EXOSC7: variants seen among roughly 807,000 people sequenced by gnomAD.
EXOSC7 encodes exosome component 7.
A neutral mutation model predicts 34.3 loss-of-function variants in EXOSC7; 25 were observed. The ratio of observed to expected loss-of-function variants is 0.73; its 90% CI spans 0.53 to 1.02. The LOEUF (loss-of-function observed/expected upper bound fraction) is 1.02. Among genes scored for constraint, EXOSC7 ranks in the 50% least tolerant of loss-of-function variants. The pLI, the probability that EXOSC7 is intolerant of heterozygous loss-of-function variation, is 0.00. For missense variants in EXOSC7, 370 were observed against 368.5 expected, an observed-to-expected ratio of 1.00 and a Z score of -0.03; for synonymous variants, 130 against 143.0, an observed-to-expected ratio of 0.91 and a Z score of 0.65.
chr3:45,008,237 C>T (rs1412979445), intron 7 of EXOSC7, among the ~76,000 whole-genome samples: 1 of 152,192 alleles, frequency 6.6e-6, no homozygotes, highest in Non-Finnish European at 1.5e-5. Flanking sequence ...CCCCTATATC[C>T]ACCTCACCTT....
chr3:44,982,696 C>A (rs1227317749), intron 1 of EXOSC7, among the ~76,000 whole-genome samples: 1 of 152,220 alleles, frequency 6.6e-6, no homozygotes, highest in Non-Finnish European at 1.5e-5. Context: ...GTTGCTCAGT[C>A]TGGCCATGAC....
At chr3:45,005,063 G>A (rs969074842) in intron 5 of EXOSC7, 1 of 491,724 alleles carries the variant, frequency 2.0e-6, no homozygotes, top group Non-Finnish European at 3.7e-6. Context: ...TTTTCCATTG[G>A]GATATCTGAT....
Position 45,001,593 on chromosome 3 carries a change from C to T in EXOSC7, c.476C>T (p.Ala159Val), listed in dbSNP as rs1706882082. The change falls in exon 5 of 8, where the codon GCT (alanine) becomes GTT (valine). Residue 159 changes from alanine to valine, a missense_variant. Physicochemically the swap from Ala to Val is moderately conservative, Grantham distance 64 (BLOSUM62 0). Transcript: ENST00000265564. ...FDAISIAVKA[A>V]LFNTRIPRVR... The stretch of plus-strand genomic sequence containing the variant: ...GCCATTTCCATTGCTGTAAAGGCTG[C>T]TCTCTTCAATACAAGGTAAGTCTTC... 1 of 1,612,656 alleles carries T rather than the reference C, an allele frequency of 6.2e-7. No individual in the cohort carries two copies. Among genetic ancestry groups the T allele is most frequent in the Middle Eastern group, 1.7e-4 (1 of 6,060 alleles).
chr3:44,983,865 T>TA (rs5848721), intron 1 of EXOSC7, among the ~76,000 whole-genome samples: 69,032 of 150,474 alleles, frequency 0.46, 16,259 homozygotes, highest in East Asian at 0.84. Flanking sequence ...AAACTGGGTT[T>TA]AAAAAAAAAA....
At chr3:44,977,622 TGA>T (rs946947213) in intron 1 of EXOSC7, among the ~76,000 whole-genome samples, 2 of 152,252 alleles carry the variant, frequency 1.3e-5, no homozygotes, top group African/African-American at 4.8e-5. Context: ...TATTTGTGTG[TGA>T]GGGGGCATAA....
At chr3:44,983,703 C>T (rs1306904016) in intron 1 of EXOSC7, among the ~76,000 whole-genome samples, 1 of 152,130 alleles carries the variant, frequency 6.6e-6, no homozygotes, top group Non-Finnish European at 1.5e-5. Flanking sequence ...TAAAATGGAG[C>T]TTTTACTTCA....
chr3:44,994,397 A>C (rs186105095), intron 3 of EXOSC7, among the ~76,000 whole-genome samples: 1 of 151,960 alleles, frequency 6.6e-6, no homozygotes, highest in African/African-American at 2.4e-5. Flanking sequence ...GTGGACCTTA[A>C]ATCAGGGCTA....
At chr3:44,992,751 T>G (rs955429409) in intron 3 of EXOSC7, among the ~76,000 whole-genome samples, 1 of 152,222 alleles carries the variant, frequency 6.6e-6, no homozygotes, top group Non-Finnish European at 1.5e-5. Context: ...TGAGCTGGTG[T>G]GTCACCCTGC....
chr3:45,000,244 T>C (rs1295277954), intron 4 of EXOSC7, among the ~76,000 whole-genome samples: 1 of 152,242 alleles, frequency 6.6e-6, no homozygotes, highest in Non-Finnish European at 1.5e-5. Context: ...GCCTGTCTTT[T>C]GATGGGTTCT....
chr3:44,980,906 A>G (rs764041886), intron 1 of EXOSC7, among the ~76,000 whole-genome samples: 12 of 152,212 alleles, frequency 7.9e-5, no homozygotes, highest in Non-Finnish European at 1.6e-4. Flanking sequence ...TGCCCATACC[A>G]TGCAGAACTT....
At position 45,001,906 on chromosome 3, in the gene EXOSC7, C is replaced by G. The variant is rs1706893196; in HGVS notation, c.491+298C>G. 8.8e-6 allele frequency: 3 copies of G among 341,044 alleles called. No individual in the cohort carries two copies. In the South Asian group the frequency reaches 1.1e-4, roughly 13 times the overall value. The allele number at this position is 341,044 out of a possible 1,614,324, so 21.1% of individuals were successfully genotyped here. A position where few individuals can be genotyped will look rare whatever the true frequency, so the allele number is the denominator to read the frequency against. ...AGCCAAGAAGAGTAGACACCACCTA[C>G]AGGCCAACTATCCAAATACTATTAC... On this transcript the variant is annotated intron_variant, in intron 5 of 7. Coordinates refer to ENST00000265564, the MANE Select transcript of EXOSC7 (RefSeq NM_015004.4).
chr3:44,982,475 G>A (rs1483734317), intron 1 of EXOSC7, among the ~76,000 whole-genome samples: 2 of 152,146 alleles, frequency 1.3e-5, no homozygotes, highest in South Asian at 2.1e-4. Context: ...GGCAATTGAC[G>A]AACCCTACCA....
intron 4 of EXOSC7, 28 bp from the exon 5 acceptor site, chr3:45,001,510 T>C (rs1171170940): frequency 6.3e-7 from 1 of 1,579,950 alleles, no homozygotes; most frequent in East Asian, 2.2e-5. Flanking sequence ...TTGGTTTTTT[T>C]TCCTTTTTCA....
At chr3:45,010,580 GT>G (rs1707179630) in intron 7 of EXOSC7, among the ~76,000 whole-genome samples, 1 of 151,952 alleles carries the variant, frequency 6.6e-6, no homozygotes, top group South Asian at 2.1e-4. Context: ...TTTTGTTTTT[GT>G]TTTTGTTTTT....
intron 3 of EXOSC7, among the ~76,000 whole-genome samples, chr3:44,992,557 A>G (rs993257418): frequency 1.1e-4 from 16 of 152,328 alleles, no homozygotes; most frequent in African/African-American, 3.4e-4. Flanking sequence ...AGACTGCTGC[A>G]CTGACCCTGA....
At position 45,006,438 on chromosome 3, in the gene EXOSC7, C is replaced by T. The variant is rs1219754436; in HGVS notation, c.616-982C>T. Among the ~76,000 whole-genome samples the T allele has an allele frequency of 6.2e-5, 7 of 113,170 alleles. No homozygotes were observed. The Admixed American group carries it at 8.4e-4, about 14-fold the overall frequency. The allele number at this position is 113,170 out of a possible 152,430, so 74.2% of individuals were successfully genotyped here. ...TTTTTTTTTTTTTTTGAGACAGAGT[C>T]TCGCTCTGTCGCCCAGGCCGGACTG... On this transcript the variant is annotated intron_variant, in intron 6 of 7. Transcript: ENST00000265564.
intron 1 of EXOSC7, among the ~76,000 whole-genome samples, chr3:44,987,841 A>C (rs1576006959): frequency 6.6e-6 from 1 of 152,358 alleles, no homozygotes; most frequent in East Asian, 1.9e-4. Context: ...TCCTTCTTTG[A>C]GAAAGAAGTT....
chr3:44,978,009 T>C (rs1706159629), intron 1 of EXOSC7, among the ~76,000 whole-genome samples: 1 of 152,234 alleles, frequency 6.6e-6, no homozygotes, highest in Non-Finnish European at 1.5e-5. Flanking sequence ...GCTCCTGGCA[T>C]GTTATGTGGG....
intron 3 of EXOSC7, among the ~76,000 whole-genome samples, chr3:44,990,716 A>G (rs1199009282): frequency 2.0e-5 from 3 of 152,250 alleles, no homozygotes; most frequent in African/African-American, 4.8e-5. Flanking sequence ...AGCTGGTCAC[A>G]TAGACACTCG....
Sources: allele counts gnomAD v4.1 joint callset (sites outside exome capture counted in the v4.1 genomes callset), GRCh38; gene constraint gnomAD v4.1.1; transcripts MANE v1.5; gene names NCBI Gene and HGNC (gene_info 2026-07-23, HGNC 2026-07-21).